Variants in ITFG2 observed in about 807,000 individuals in gnomAD.
ITFG2 encodes integrin alpha FG-GAP repeat containing 2.
In ITFG2, 36 loss-of-function variants were observed where a neutral mutation model predicts 54.4. That is an observed-to-expected ratio of 0.66 (90% CI 0.51 to 0.87). The LOEUF is 0.87. ITFG2 is among the 40% of genes least tolerant of loss of function. The pLI is 0.00. For missense variants in ITFG2, 524 were observed against 576.7 expected, an observed-to-expected ratio of 0.91 and a Z score of 0.94; for synonymous variants, 211 against 225.4, an observed-to-expected ratio of 0.94 and a Z score of 0.57.
downstream of ITFG2, chr12:2,826,589 A>G (rs2097968309): frequency 6.5e-6 from 1 of 152,794 alleles, no homozygotes; most frequent in Non-Finnish European, 1.5e-5. Context: ...ATTTGCAGCC[A>G]CAGGAAAAAA....
intron 1 of ITFG2, among the ~76,000 whole-genome samples, chr12:2,838,966 A>G (rs2098034683): frequency 1.3e-5 from 2 of 151,982 alleles, no homozygotes; most frequent in Non-Finnish European, 1.5e-5. Flanking sequence ...TCCTCCCCTC[A>G]TAACTTTTTT....
downstream of ITFG2, chr12:2,827,181 C>T (rs1164224199): frequency 3.1e-6 from 5 of 1,613,760 alleles, no homozygotes; most frequent in Non-Finnish European, 4.2e-6. The surrounding 1 kb of genome is among the most constrained non-coding windows in gnomAD (Gnocchi z 4.0). Context: ...AAGGTCTTTC[C>T]CTCTGGGGAC....
At chr12:2,828,132 G>T, downstream of ITFG2, 1 of 1,346,750 alleles carries the variant, frequency 7.4e-7, no homozygotes, top group Non-Finnish European at 1.0e-6. Flanking sequence ...TCTCTACTAT[G>T]GTTTCATCTC....
downstream of ITFG2, among the ~76,000 whole-genome samples, chr12:2,828,907 A>C (rs2097984955): frequency 6.6e-6 from 1 of 152,126 alleles, no homozygotes; most frequent in African/African-American, 2.4e-5. Flanking sequence ...CCAGATAAAT[A>C]AATCAAAAAA....
intron 10 of ITFG2, 61 bp downstream of exon 10, chr12:2,822,972 A>G (rs866777164): frequency 7.7e-7 from 1 of 1,291,296 alleles, no homozygotes. Flanking sequence ...CGTGTTAGGC[A>G]TGCCAGGGAA....
upstream of ITFG2, among the ~76,000 whole-genome samples, chr12:2,831,883 C>T (rs1455814963): frequency 6.6e-6 from 1 of 152,134 alleles, no homozygotes; most frequent in Non-Finnish European, 1.5e-5. Context: ...AAGCATATGC[C>T]ACAGTACCTG....
At chr12:2,853,010 A>AAAC (rs138119084) in intron 2 of ITFG2, among the ~76,000 whole-genome samples, 25,215 of 151,398 alleles carry the variant, frequency 0.17, 2,264 homozygotes, top group South Asian at 0.29. Flanking sequence ...AAAAAAAAAG[A>AAAC]AACAACAAAA....
upstream of ITFG2, among the ~76,000 whole-genome samples, chr12:2,833,629 G>A (rs1271771611): frequency 1.3e-5 from 2 of 152,154 alleles, no homozygotes; most frequent in Non-Finnish European, 2.9e-5. Context: ...AGAGGGGACA[G>A]GGAACCGAGT....
rs576615196 is a variant in ITFG2 at position 2,845,118 on chromosome 12, C to T, written n.300+4123C>T. ...ATGAAAAGAGCAAATGTGTGCGGCT[C>T]GGTGGCAGCACAACTAAGGACAGGG... On this transcript the variant is annotated intron_variant and non_coding_transcript_variant, in intron 2 of 3. Coordinates refer to the ITFG2 transcript ENST00000537710. This position sits in a 1 kb window ranked among gnomAD's most constrained non-coding sequence, Gnocchi z 4.2. Among the ~76,000 whole-genome samples the T allele has an allele frequency of 3.4e-4, 51 of 152,044 alleles. No individual in the cohort carries two copies. Among genetic ancestry groups the T allele is most frequent in the Admixed American group, 9.2e-4 (14 of 15,264 alleles).
downstream of ITFG2, chr12:2,827,325 A>G: frequency 2.5e-6 from 4 of 1,600,736 alleles, no homozygotes; most frequent in African/African-American, 1.3e-5. This position sits in a 1 kb window ranked among gnomAD's most constrained non-coding sequence, Gnocchi z 4.0. Context: ...CAGTCATGCC[A>G]GGTCACCTCA....
intron 2 of ITFG2, among the ~76,000 whole-genome samples, chr12:2,854,576 A>T (rs1030638269): frequency 6.6e-6 from 1 of 152,110 alleles, no homozygotes; most frequent in Non-Finnish European, 1.5e-5. Context: ...GGCCCTTTGC[A>T]TGTGTAGCCT....
rs184033237 is a variant in ITFG2 at position 2,847,489 on chromosome 12, A to G, written n.300+6494A>G. Among the ~76,000 whole-genome samples the G allele has an allele frequency of 3.1e-3, 470 of 152,268 alleles. 10 individuals carry two copies. The highest frequency in any genetic ancestry group is 0.028 in the Admixed American group (433 of 15,294). Reference sequence around the variant, plus strand: ...GAGCCCATCCTGGCCAACACGGTGAAACCCCGTCTCTACTAAAAATACAAA... The same window carrying G: ...GAGCCCATCCTGGCCAACACGGTGAGACCCCGTCTCTACTAAAAATACAAA... On this transcript the variant is annotated intron_variant and non_coding_transcript_variant, in intron 2 of 3. Transcript: ENST00000537710.
At chr12:2,820,978 C>T in intron 6 of ITFG2, 106 bp downstream of exon 6, 6 of 1,195,418 alleles carry the variant, frequency 5.0e-6, no homozygotes, top group Admixed American at 2.2e-5. Context: ...AGAGCTGCCT[C>T]ATCTAGGTCC....
chr12:2,827,680 A>T, downstream of ITFG2: 1 of 1,614,098 alleles, frequency 6.2e-7, no homozygotes, highest in Non-Finnish European at 8.5e-7. This position sits in a 1 kb window ranked among gnomAD's most constrained non-coding sequence, Gnocchi z 4.0. Context: ...CTCAGCATCT[A>T]TAGGAACAAT....
In ITFG2 at chr12:2,820,723, GGT is replaced by G; in HGVS notation, c.548_549del (p.Val183GlyfsTer14). 6.2e-7 allele frequency: 1 copy of G among 1,611,260 alleles called. No individual in the cohort carries two copies. The highest frequency in any genetic ancestry group is 1.3e-5 in the African/African-American group (1 of 74,544). On this transcript the variant is annotated frameshift_variant and splice_region_variant, in exon 6 of 12. Transcript: ENST00000228799. LOFTEE classifies it high-confidence loss of function. ...SLKKWMLEGQ[V>X]DSLSVTLGPL... is the part of the protein sequence containing the mutation. ...CCCTTTAATCCCATTCCCTGGTGCAGGTGGACAGCCTCTCAGTGACTCTGGGG... is the reference window on the plus strand; with the variant it reads ...CCCTTTAATCCCATTCCCTGGTGCAGGGACAGCCTCTCAGTGACTCTGGGG...
intron 2 of ITFG2, chr12:2,857,954 C>G (rs1410663538): frequency 2.0e-5 from 3 of 152,602 alleles, no homozygotes; most frequent in Non-Finnish European, 4.4e-5. Context: ...CCTCCCACCC[C>G]AAATTCAACT....
At chr12:2,819,201 A>G (rs1054104482) in intron 4 of ITFG2, among the ~76,000 whole-genome samples, 1 of 152,096 alleles carries the variant, frequency 6.6e-6, no homozygotes, top group African/African-American at 2.4e-5. Flanking sequence ...ACGGTGGCTC[A>G]CGCCTGTAAT....
chr12:2,849,644 G>T (rs1330638551), intron 2 of ITFG2: 3 of 1,156,944 alleles, frequency 2.6e-6, no homozygotes, highest in Non-Finnish European at 3.6e-6. Context: ...CCATCAGGCG[G>T]CAGGGAATCC....
intron 10 of ITFG2, 43 bp downstream of exon 10, chr12:2,822,954 T>G: frequency 1.4e-6 from 2 of 1,446,780 alleles, no homozygotes; most frequent in Non-Finnish European, 1.9e-6. Flanking sequence ...ACACTTAAGT[T>G]AGATAGGCGT....
Sources: gnomAD v4.1 joint callset for allele counts (sites outside exome capture counted in the v4.1 genomes callset) on GRCh38, gnomAD v4.1.1 for gene constraint, Gnocchi (gnomAD v3.1) non-coding constraint, MANE v1.5 for transcripts, NCBI Gene and HGNC (gene_info 2026-07-23, HGNC 2026-07-21) for gene names.